PMEPA1: variants seen among roughly 807,000 people sequenced by gnomAD.
The protein encoded by PMEPA1 is protein TMEPAI.
A neutral mutation model predicts 23.0 loss-of-function variants in PMEPA1; 11 were observed. That is an observed-to-expected ratio of 0.48 (90% CI 0.30 to 0.79). The LOEUF (loss-of-function observed/expected upper bound fraction) is 0.79. Among genes scored for constraint, PMEPA1 ranks in the 30% least tolerant of loss-of-function variants. The probability of loss-of-function intolerance (pLI) is 0.06; values close to 1 mark genes in which losing one functional copy is unlikely to be tolerated. For missense variants in PMEPA1, 377 were observed against 390.9 expected, an observed-to-expected ratio of 0.96 and a Z score of 0.30; for synonymous variants, 204 against 166.4, an observed-to-expected ratio of 1.23 and a Z score of -1.74.
intron 1 of PMEPA1, among the ~76,000 whole-genome samples, chr20:57,701,406 G>A (rs1027526351): frequency 1.3e-5 from 2 of 152,088 alleles, no homozygotes; most frequent in East Asian, 3.9e-4. Flanking sequence ...TCCTTCTGGG[G>A]GCCTGCAGCA....
rs2072054671 is a variant in PMEPA1, at chr20:57,704,737, C to T, written c.109+4737G>A. 1.3e-5 allele frequency among the ~76,000 whole-genome samples: 2 copies of T among 152,212 alleles called. No individual in the cohort carries two copies. The highest frequency in any genetic ancestry group is 2.1e-4 in the South Asian group (1 of 4,832). On this transcript the variant is annotated intron_variant, in intron 1 of 3. Transcript: ENST00000341744. This position sits in a 1 kb window ranked among gnomAD's most constrained non-coding sequence, Gnocchi z 4.6. ...ATTGACCGGACTATAAACGTTTAAA[C>T]CCCCTGGCCCTGGGCCACGATGGGA...
At chr20:57,659,044 G>A (rs908646117) in intron 2 of PMEPA1, among the ~76,000 whole-genome samples, 7 of 152,210 alleles carry the variant, frequency 4.6e-5, no homozygotes, top group Non-Finnish European at 1.0e-4. Context: ...GAGAGATGTG[G>A]GTCAAGACGG....
intron 1 of PMEPA1, among the ~76,000 whole-genome samples, chr20:57,663,948 C>T (rs1473729768): frequency 6.6e-6 from 1 of 152,228 alleles, no homozygotes; most frequent in Non-Finnish European, 1.5e-5. Flanking sequence ...TTGGGGCCCA[C>T]AAACAGGTCC....
At chr20:57,654,234 G>T (rs1038737239) in intron 2 of PMEPA1, among the ~76,000 whole-genome samples, 1 of 152,154 alleles carries the variant, frequency 6.6e-6, no homozygotes, top group Non-Finnish European at 1.5e-5. Context: ...TAGCTTCATT[G>T]AAATATAACT....
intron 2 of PMEPA1, among the ~76,000 whole-genome samples, chr20:57,658,395 C>T (rs553782066): frequency 2.0e-4 from 31 of 152,314 alleles, no homozygotes; most frequent in African/African-American, 6.7e-4. Context: ...TTCCTTCATC[C>T]GTGCACCTGC....
Position 57,659,635 on chromosome 20 carries a change from T to C in PMEPA1, c.172A>G (p.Ile58Val), listed in dbSNP as rs2071382961. 1 of 1,611,426 alleles carries C rather than the reference T, an allele frequency of 6.2e-7. No individual in the cohort carries two copies. Among genetic ancestry groups the C allele is most frequent in the Non-Finnish European group, 8.5e-7 (1 of 1,178,938 alleles). Reference protein sequence around the residue: ...VVVMMVMVVVITCLLSHYKLS... With the variant: ...VVVMMVMVVVVTCLLSHYKLS... ...TTGTAGTGGCTCAGCAGGCACGTGA[T>C]CACCACCACCATCACCATCATCACC... Residue 58 changes from isoleucine to valine, a missense_variant, in exon 2 of 4, where the codon ATC becomes GTC. Coordinates refer to ENST00000341744, the MANE Select transcript of PMEPA1 (RefSeq NM_020182.5).
At chr20:57,653,002 G>T (rs1352531198) in intron 3 of PMEPA1, 31 bp downstream of exon 3, 9 of 1,571,094 alleles carry the variant, frequency 5.7e-6, no homozygotes, top group East Asian at 2.3e-5. Flanking sequence ...TGGGATGGGG[G>T]TGTTGGAGGG....
chr20:57,698,439 ATAACGAGG>A (rs1478468084), intron 1 of PMEPA1, among the ~76,000 whole-genome samples: 1 of 152,244 alleles, frequency 6.6e-6, no homozygotes, highest in Non-Finnish European at 1.5e-5. Context: ...AAATGACTCA[ATAACGAGG>A]AGGCATAGAC....
At chr20:57,668,054 C>G (rs1481584762) in intron 1 of PMEPA1, among the ~76,000 whole-genome samples, 1 of 152,176 alleles carries the variant, frequency 6.6e-6, no homozygotes, top group African/African-American at 2.4e-5. Context: ...CCGGTTTTCT[C>G]GTTTTTAAAA....
chr20:57,653,011 G>A (rs1195652331), intron 3 of PMEPA1, 22 bp downstream of exon 3: 1 of 1,584,962 alleles, frequency 6.3e-7, no homozygotes, highest in East Asian at 2.3e-5. Flanking sequence ...GGTGTTGGAG[G>A]GGAGGCCGAG....
rs529975519 is a variant in PMEPA1, at chr20:57,704,418, G to A, written c.109+5056C>T. On this transcript the variant is annotated intron_variant, in intron 1 of 3. Coordinates refer to ENST00000341744, the MANE Select transcript of PMEPA1 (RefSeq NM_020182.5). This position sits in a 1 kb window ranked among gnomAD's most constrained non-coding sequence, Gnocchi z 4.6. ...TCCGTCTCCCGCACAGCTCCCGCAC[G>A]TGCCCCAACCATGCGTGCGTTACGC... 1.6e-4 allele frequency among the ~76,000 whole-genome samples: 24 copies of A among 152,064 alleles called. No homozygotes were observed. Among genetic ancestry groups the A allele is most frequent in the Non-Finnish European group, 2.8e-4 (19 of 68,030 alleles).
rs746820553 is a variant in PMEPA1, at chr20:57,652,552, G to T, written c.365C>A (p.Pro122Gln). ...PPRPTDRLAV[P>Q]PFAQRERFHR... The stretch of plus-strand genomic sequence containing the variant: ...GAAGCGCTCCCGCTGGGCGAAGGGC[G>T]GCACGGCCAGGCGGTCGGTGGGCCG... Residue 122 changes from proline to glutamine, a missense_variant, in exon 4 of 4, where the codon CCG (proline) becomes CAG (glutamine). Around this residue, in one of 3 missense-constraint regions of PMEPA1, gnomAD observed 198 missense variants for 196.3 expected, o/e 1.01. Transcript: ENST00000341744. This position sits in a 1 kb window ranked among gnomAD's most constrained non-coding sequence, Gnocchi z 6.1. 2 of 1,530,292 alleles carry T rather than the reference G, an allele frequency of 1.3e-6. No homozygotes were observed. The highest frequency in any genetic ancestry group is 2.6e-5 in the South Asian group (2 of 77,724). 94.8% of individuals were successfully genotyped at this position (1,530,292 alleles called of 1,614,324 possible). A position where few individuals can be genotyped will look rare whatever the true frequency, so the allele number is the denominator to read the frequency against.
chr20:57,682,852 C>T lies in PMEPA1; in HGVS notation c.110-23155G>A, dbSNP rs552759038. Among the ~76,000 whole-genome samples, 12 of 152,338 alleles carry T rather than the reference C, an allele frequency of 7.9e-5. No individual in the cohort carries two copies. The highest frequency in any genetic ancestry group is 2.1e-4 in the South Asian group (1 of 4,830). On this transcript the variant is annotated intron_variant, in intron 1 of 3. Transcript: ENST00000341744. This position sits in a 1 kb window ranked among gnomAD's most constrained non-coding sequence, Gnocchi z 4.4. Reference sequence around the variant, plus strand: ...GGAAGGCGGCTCGCCAGATTTGTTTCGAATTATGAAAATAGATGTTGTCTC... The same window carrying T: ...GGAAGGCGGCTCGCCAGATTTGTTTTGAATTATGAAAATAGATGTTGTCTC...
intron 1 of PMEPA1, chr20:57,690,533 A>G: frequency 7.7e-7 from 1 of 1,297,144 alleles, no homozygotes; most frequent in South Asian, 1.2e-5. Flanking sequence ...AGCAAAAAAG[A>G]AGGATTAATT....
chr20:57,709,481 C>A lies in PMEPA1; in HGVS notation c.102G>T (p.Met34Ile), dbSNP rs867193235. The stretch of plus-strand genomic sequence containing the variant: ...GGGCGTGGGGTCACTCACTGATCTC[C>A]ATGCTCTGGAACAAAGAGCGTTTGC... ...CNCKRSLFQSMEITELEFVQI... is the reference protein window; with the variant it reads ...CNCKRSLFQSIEITELEFVQI... The change falls in exon 1 of 4, where the codon ATG becomes ATT. Residue 34 changes from methionine to isoleucine, a missense_variant. Met to Ile is a conservative substitution (Grantham distance 10). Coordinates refer to ENST00000341744, the MANE Select transcript of PMEPA1 (RefSeq NM_020182.5). The A allele has an allele frequency of 8.8e-7, 1 of 1,136,004 alleles. No homozygotes were observed. The highest frequency in any genetic ancestry group is 1.1e-6 in the Non-Finnish European group (1 of 908,028). 70.4% of individuals were successfully genotyped at this position (1,136,004 alleles called of 1,614,324 possible).
chr20:57,688,540 G>A (rs1428708981), intron 1 of PMEPA1, among the ~76,000 whole-genome samples: 1 of 152,144 alleles, frequency 6.6e-6, no homozygotes, highest in African/African-American at 2.4e-5. Flanking sequence ...CACAAAGAAC[G>A]GCAGGCAGCA....
intron 1 of PMEPA1, among the ~76,000 whole-genome samples, chr20:57,696,884 C>A (rs1568683951): frequency 6.6e-6 from 1 of 152,228 alleles, no homozygotes; most frequent in Admixed American, 6.5e-5. Context: ...TCCGTTTACA[C>A]CCCTGATTTT....
rs1421172491 is a variant in PMEPA1, at chr20:57,655,290, G to C, written c.265-2204C>G. Reference sequence around the variant, plus strand: ...TCTGCCCAGGTGTGCTAACCCCAGAGCTCTCCGTTAGCCCCCCAGGCGGGT... The same window carrying C: ...TCTGCCCAGGTGTGCTAACCCCAGACCTCTCCGTTAGCCCCCCAGGCGGGT... On this transcript the variant is annotated intron_variant, in intron 2 of 3. Coordinates refer to ENST00000341744, the MANE Select transcript of PMEPA1 (RefSeq NM_020182.5). The surrounding 1 kb of genome is among the most constrained non-coding windows in gnomAD (Gnocchi z 4.2). 6.6e-6 allele frequency among the ~76,000 whole-genome samples: 1 copy of C among 152,066 alleles called. No individual in the cohort carries two copies. Among genetic ancestry groups the C allele is most frequent in the African/African-American group, 2.4e-5 (1 of 41,392 alleles).
Position 57,682,879 on chromosome 20 carries a change from C to T in PMEPA1, c.110-23182G>A, listed in dbSNP as rs770121339. Among the ~76,000 whole-genome samples the T allele has an allele frequency of 5.3e-5, 8 of 152,218 alleles. No homozygotes were observed. The highest frequency in any genetic ancestry group is 1.2e-4 in the Non-Finnish European group (8 of 68,036). Reference sequence around the variant, plus strand: ...AATTATGAAAATAGATGTTGTCTCCCCACCACATCTGTTTTGCCTGACAAA... The same window carrying T: ...AATTATGAAAATAGATGTTGTCTCCTCACCACATCTGTTTTGCCTGACAAA... On this transcript the variant is annotated intron_variant, in intron 1 of 3. Transcript: ENST00000341744. This position sits in a 1 kb window ranked among gnomAD's most constrained non-coding sequence, Gnocchi z 4.4.
Sources: allele counts gnomAD v4.1 joint callset (sites outside exome capture counted in the v4.1 genomes callset), GRCh38; gene constraint gnomAD v4.1.1; regional missense constraint gnomAD v4.1.1; non-coding constraint Gnocchi (gnomAD v3.1); transcripts MANE v1.5; gene names NCBI Gene and HGNC (gene_info 2026-07-23, HGNC 2026-07-21).